The following TRABD2B variants were observed in gnomAD, a reference collection of about 807,000 sequenced individuals.
TRABD2B encodes the protein TraB domain containing 2B, also known as metalloprotease TIKI2.
In TRABD2B, 14 loss-of-function variants were observed where a neutral mutation model predicts 40.1. The ratio of observed to expected loss-of-function variants is 0.35; its 90% CI spans 0.23 to 0.55. The LOEUF (loss-of-function observed/expected upper bound fraction) is 0.55. TRABD2B is among the 20% of genes least tolerant of loss of function. The pLI, the probability that TRABD2B is intolerant of heterozygous loss-of-function variation, is 0.90. For missense variants in TRABD2B, 541 were observed against 648.6 expected (o/e 0.83, Z 1.80); for synonymous variants, 263 against 277.0 (o/e 0.95, Z 0.50).
intron 2 of TRABD2B, among the ~76,000 whole-genome samples, chr1:47,942,710 T>C (rs1159793945): frequency 6.6e-6 from 1 of 152,218 alleles, no homozygotes; most frequent in Non-Finnish European, 1.5e-5. Context: ...TTAAACTCTT[T>C]ATGCATATTA....
At chr1:47,990,770 T>G (rs1456944998) in intron 2 of TRABD2B, among the ~76,000 whole-genome samples, 23 of 35,048 alleles carry the variant, frequency 6.6e-4, no homozygotes, top group Non-Finnish European at 8.2e-4. Context: ...AAACGTTGGT[T>G]TTATATATAT....
intron 2 of TRABD2B, among the ~76,000 whole-genome samples, chr1:47,990,947 G>T (rs1177401105): frequency 6.7e-6 from 1 of 150,138 alleles, no homozygotes; most frequent in Non-Finnish European, 1.5e-5. Context: ...TCAGAGACCT[G>T]CCTCACCACC....
chr1:47,850,171 G>T (rs1645528687), intron 2 of TRABD2B, among the ~76,000 whole-genome samples: 1 of 152,244 alleles, frequency 6.6e-6, no homozygotes, highest in African/African-American at 2.4e-5. Context: ...CTAGTCACAA[G>T]TCCTAGAGGA....
chr1:47,989,099 T>A (rs1328568156), intron 2 of TRABD2B, among the ~76,000 whole-genome samples: 1 of 152,188 alleles, frequency 6.6e-6, no homozygotes, highest in Non-Finnish European at 1.5e-5. Context: ...GCATCACCTA[T>A]GAGAAACAGG....
chr1:47,996,321 G>A lies in TRABD2B; in HGVS notation c.102+367C>T, dbSNP rs1402809533. On this transcript the variant is annotated intron_variant, in intron 1 of 6. Transcript: ENST00000606738. The surrounding 1 kb of genome is among the most constrained non-coding windows in gnomAD (Gnocchi z 4.6). ...GGAAGTCAAGAGAAGGGCAAGGAAC[G>A]GTAGAAAAACACAGTCAGAAGCGGG... Among the ~76,000 whole-genome samples, 2 of 152,072 alleles carry A rather than the reference G, an allele frequency of 1.3e-5. No homozygotes were observed. Among genetic ancestry groups the A allele is most frequent in the Non-Finnish European group, 2.9e-5 (2 of 68,010 alleles).
chr1:47,825,037 A>G (rs549314005), intron 2 of TRABD2B, among the ~76,000 whole-genome samples: 29 of 152,288 alleles, frequency 1.9e-4, no homozygotes, highest in Non-Finnish European at 3.2e-4. Flanking sequence ...GGGGAATCTC[A>G]GGCTCAGAGA....
rs1285278864 is a variant in TRABD2B, at chr1:47,762,618, T to C, written c.*3284A>G. On this transcript the variant is annotated 3_prime_UTR_variant, in exon 7 of 7. Coordinates refer to ENST00000606738, the MANE Select transcript of TRABD2B (RefSeq NM_001194986.2). Reference sequence around the variant, plus strand: ...GCATGAAGAAAATATGCTTAGGGTCTTTCAATGCAAGGACAAATTTGTTCA... The same window carrying C: ...GCATGAAGAAAATATGCTTAGGGTCCTTCAATGCAAGGACAAATTTGTTCA... The C allele has an allele frequency of 6.6e-6, 1 of 152,208 alleles. No homozygotes were observed. The highest frequency in any genetic ancestry group is 1.5e-5 in the Non-Finnish European group (1 of 68,046). 9.4% of individuals were successfully genotyped at this position (152,208 alleles called of 1,614,324 possible).
intron 4 of TRABD2B, among the ~76,000 whole-genome samples, chr1:47,790,548 T>C (rs575843231): frequency 1.3e-4 from 20 of 152,350 alleles, no homozygotes; most frequent in African/African-American, 4.6e-4. Flanking sequence ...GAGTATTTCA[T>C]GAGAGGCACC....
At chr1:47,795,587 C>T (rs1644737664) in intron 3 of TRABD2B, 5 of 945,260 alleles carry the variant, frequency 5.3e-6, no homozygotes, top group Non-Finnish European at 5.0e-6. Context: ...TTTCCGAGTC[C>T]CAGCTTTGTC....
chr1:47,864,801 T>A (rs1181314165), intron 2 of TRABD2B, among the ~76,000 whole-genome samples: 1 of 152,088 alleles, frequency 6.6e-6, no homozygotes, highest in African/African-American at 2.4e-5. Flanking sequence ...AAACTAGTCA[T>A]CTGCCTGGAA....
chr1:47,861,166 A>T (rs1643962266), intron 2 of TRABD2B, among the ~76,000 whole-genome samples: 1 of 152,008 alleles, frequency 6.6e-6, no homozygotes, highest in Non-Finnish European at 1.5e-5. Flanking sequence ...TTAGGTTTAA[A>T]TTATTTGATT....
chr1:47,799,861 C>G (rs889533071), intron 3 of TRABD2B, among the ~76,000 whole-genome samples: 2 of 152,186 alleles, frequency 1.3e-5, no homozygotes, highest in Admixed American at 6.5e-5. Context: ...TCAGCCGTTC[C>G]TTCCACAGGC....
At chr1:47,812,018 A>C (rs1644971715) in intron 2 of TRABD2B, among the ~76,000 whole-genome samples, 1 of 152,240 alleles carries the variant, frequency 6.6e-6, no homozygotes, top group South Asian at 2.1e-4. Flanking sequence ...GGCTCAGAGC[A>C]GTAAGTGGCA....
chr1:47,995,035 T>C (rs528689924), intron 1 of TRABD2B, among the ~76,000 whole-genome samples: 2 of 152,244 alleles, frequency 1.3e-5, no homozygotes, highest in African/African-American at 4.8e-5. Context: ...AAGTCAAACC[T>C]TCACCGGTGG....
chr1:47,872,356 C>T (rs770493179), intron 2 of TRABD2B, among the ~76,000 whole-genome samples: 17 of 152,096 alleles, frequency 1.1e-4, no homozygotes, highest in Non-Finnish European at 2.2e-4. Flanking sequence ...CCTCATAGAC[C>T]TCACTGGCTG....
chr1:47,867,187 G>A (rs774513215), intron 2 of TRABD2B, among the ~76,000 whole-genome samples: 8 of 152,220 alleles, frequency 5.3e-5, no homozygotes, highest in Non-Finnish European at 1.2e-4. Flanking sequence ...AGCCAAGAGG[G>A]AAGGCAAAAA....
chr1:47,774,457 C>T (rs1438962506), intron 6 of TRABD2B, among the ~76,000 whole-genome samples: 1 of 152,168 alleles, frequency 6.6e-6, no homozygotes, highest in African/African-American at 2.4e-5. Context: ...AAAGTGGAAT[C>T]TGGGGAAACT....
At chr1:47,860,569 T>A (rs1176677836) in intron 2 of TRABD2B, among the ~76,000 whole-genome samples, 3 of 152,126 alleles carry the variant, frequency 2.0e-5, no homozygotes, top group Non-Finnish European at 2.9e-5. Context: ...CCTGAATGAC[T>A]TTTCTCCTCT....
chr1:47,878,977 C>T (rs1321570037), intron 2 of TRABD2B, among the ~76,000 whole-genome samples: 2 of 150,866 alleles, frequency 1.3e-5, no homozygotes, highest in South Asian at 2.1e-4. Flanking sequence ...TGGTGGCATG[C>T]ACCTGTAGTC....
Sources: gnomAD v4.1 joint callset for allele counts (sites outside exome capture counted in the v4.1 genomes callset) on GRCh38, gnomAD v4.1.1 for gene constraint, Gnocchi (gnomAD v3.1) non-coding constraint, MANE v1.5 for transcripts, NCBI Gene and HGNC (gene_info 2026-07-23, HGNC 2026-07-21) for gene names.